The following FBXO10 variants were observed in gnomAD, a reference collection of about 807,000 sequenced individuals.
FBXO10 encodes the protein F-box only protein 10.
In FBXO10, 39 loss-of-function variants were observed where a neutral mutation model predicts 80.7. The observed-to-expected ratio is 0.48, with a 90% CI of 0.37 to 0.63. The LOEUF (loss-of-function observed/expected upper bound fraction) is 0.63. Among genes scored for constraint, FBXO10 ranks in the 30% least tolerant of loss-of-function variants. FBXO10 has a pLI of 0.00. For synonymous variants in FBXO10, 449 were observed against 489.6 expected (o/e 0.92, Z 1.09); for missense variants, 1,025 against 1,269.0 (o/e 0.81, Z 2.92).
At chr9:37,549,312 T>C (rs1206188703) in intron 1 of FBXO10, among the ~76,000 whole-genome samples, 1 of 152,138 alleles carries the variant, frequency 6.6e-6, no homozygotes, top group Non-Finnish European at 1.5e-5. Flanking sequence ...CTAGCCAACA[T>C]TTTAAACATG....
chr9:37,553,291 A>G (rs1040959866), intron 1 of FBXO10, among the ~76,000 whole-genome samples: 2 of 152,088 alleles, frequency 1.3e-5, no homozygotes, highest in African/African-American at 4.8e-5. Context: ...CACCTGCCTC[A>G]GCCTCCCAAA....
intron 10 of FBXO10, among the ~76,000 whole-genome samples, chr9:37,514,698 G>C (rs976997098): frequency 2.6e-5 from 4 of 152,092 alleles, no homozygotes; most frequent in African/African-American, 9.7e-5. Context: ...GCCGGGAGTG[G>C]TGGTGGGCGC....
rs1455278008 is a variant in FBXO10, at chr9:37,515,891, C to A, written c.2696+13G>T. On this transcript the variant is annotated intron_variant, in intron 10 of 10. Transcript: ENST00000432825. ...GCTCTAGAGGACTCGTTCAGGCAACCCCAAGCACTCACTTTTTCTTGAAGA... is the reference window on the plus strand; with the variant it reads ...GCTCTAGAGGACTCGTTCAGGCAACACCAAGCACTCACTTTTTCTTGAAGA... 2 of 1,611,838 alleles carry A rather than the reference C, an allele frequency of 1.2e-6. No homozygotes were observed. The highest frequency in any genetic ancestry group is 1.1e-5 in the South Asian group (1 of 90,794).
At position 37,531,896 on chromosome 9, in the gene FBXO10, G is replaced by C; in HGVS notation, c.1569+13C>G. 6.2e-7 allele frequency: 1 copy of C among 1,612,316 alleles called. No homozygotes were observed. Among genetic ancestry groups the C allele is most frequent in the African/African-American group, 1.3e-5 (1 of 75,006 alleles). The stretch of plus-strand genomic sequence containing the variant: ...CCAAGAGTCACCCTGAATAGGGAAC[G>C]AACACAAAGTACCAGTATGAGTGGG... On this transcript the variant is annotated intron_variant, in intron 4 of 10. Transcript: ENST00000432825.
At chr9:37,568,896 GA>G in intron 1 of FBXO10, among the ~76,000 whole-genome samples, 1 of 151,622 alleles carries the variant, frequency 6.6e-6, no homozygotes. Flanking sequence ...CACATTAGTA[GA>G]AAAAAAAGGT....
chr9:37,565,301 C>T (rs899743036), intron 1 of FBXO10, among the ~76,000 whole-genome samples: 10 of 152,142 alleles, frequency 6.6e-5, no homozygotes, highest in African/African-American at 1.7e-4. Context: ...CAGACTAACA[C>T]AGTGCCATAA....
chr9:37,512,504 C>CT lies in FBXO10; in HGVS notation c.*42dup. 6.3e-7 allele frequency: 1 copy of CT among 1,590,396 alleles called. No individual in the cohort carries two copies. The highest frequency in any genetic ancestry group is 1.1e-5 in the South Asian group (1 of 88,222). Reference sequence around the variant, plus strand: ...AGGCAGTATTTCCACCTTAGCTCCTCTGAGCACCCATCCAGGCTTGGCCCT... The same window carrying CT: ...AGGCAGTATTTCCACCTTAGCTCCTCTTGAGCACCCATCCAGGCTTGGCCCT... On this transcript the variant is annotated 3_prime_UTR_variant, in exon 11 of 11. Transcript: ENST00000432825.
chr9:37,545,631 C>G (rs113147885), intron 1 of FBXO10, among the ~76,000 whole-genome samples: 1 of 152,206 alleles, frequency 6.6e-6, no homozygotes, highest in East Asian at 1.9e-4. Context: ...TAGCTCCACA[C>G]GTGAATACCC....
At chr9:37,551,585 C>G (rs960969700) in intron 1 of FBXO10, among the ~76,000 whole-genome samples, 1 of 152,220 alleles carries the variant, frequency 6.6e-6, no homozygotes, top group African/African-American at 2.4e-5. Flanking sequence ...GACCAGGGAA[C>G]AGAGGCCTGA....
intron 1 of FBXO10, among the ~76,000 whole-genome samples, chr9:37,543,474 T>A (rs1045325418): frequency 1.3e-5 from 2 of 152,098 alleles, no homozygotes; most frequent in African/African-American, 4.8e-5. Context: ...CCTCTGGTGA[T>A]CATTTTCCCC....
chr9:37,512,230 AACACAGT>A lies in FBXO10; in HGVS notation c.*310_*316del, dbSNP rs1821074680. ...AAGAGTCTGGGTTTGGTGTGTGTAA[AACACAGT>A]TCCTTAGAACTCAGAGAAAATCCTG... On this transcript the variant is annotated 3_prime_UTR_variant, in exon 11 of 11. Coordinates refer to ENST00000432825, the MANE Select transcript of FBXO10 (RefSeq NM_012166.3). 4.5e-6 allele frequency: 1 copy of A among 224,568 alleles called. No individual in the cohort carries two copies. The highest frequency in any genetic ancestry group is 2.3e-5 in the African/African-American group (1 of 44,130). The allele number at this position is 224,568 out of a possible 1,614,324, so 13.9% of individuals were successfully genotyped here.
At chr9:37,549,650 C>T (rs969875937) in intron 1 of FBXO10, among the ~76,000 whole-genome samples, 2 of 152,126 alleles carry the variant, frequency 1.3e-5, no homozygotes, top group African/African-American at 4.8e-5. Context: ...CTTTTCTTTA[C>T]AATTTATTTG....
intron 1 of FBXO10, among the ~76,000 whole-genome samples, chr9:37,546,542 G>A (rs1822060804): frequency 6.6e-6 from 1 of 152,118 alleles, no homozygotes; most frequent in African/African-American, 2.4e-5. Flanking sequence ...GCCTTATTAT[G>A]TAACAGGTCC....
chr9:37,515,862 T>C, intron 10 of FBXO10, 42 bp downstream of exon 10: 4 of 1,587,520 alleles, frequency 2.5e-6, no homozygotes, highest in Non-Finnish European at 3.4e-6. Flanking sequence ...GGGAGCTTAC[T>C]GTGGCTCTAG....
chr9:37,528,604 G>A (rs1821534676), intron 5 of FBXO10, among the ~76,000 whole-genome samples: 1 of 152,054 alleles, frequency 6.6e-6, no homozygotes, highest in South Asian at 2.1e-4. Flanking sequence ...TCTCCTTCTG[G>A]TACCACTCTG....
At chr9:37,542,665 G>A (rs981209448) in intron 1 of FBXO10, among the ~76,000 whole-genome samples, 2 of 151,814 alleles carry the variant, frequency 1.3e-5, no homozygotes, top group African/African-American at 4.8e-5. Flanking sequence ...AAACCTTCTG[G>A]TATAAGAGCC....
chr9:37,516,043 C>T lies in FBXO10; in HGVS notation c.2557G>A (p.Ala853Thr), dbSNP rs376671407. 76 of 1,613,652 alleles carry T rather than the reference C, an allele frequency of 4.7e-5. No individual in the cohort carries two copies. The highest frequency in any genetic ancestry group is 4.3e-4 in the African/African-American group (32 of 74,906). ...RIHSFRAYGI[A>T]VRGRAKALVQ... The stretch of plus-strand genomic sequence containing the variant: ...AGGGCCTTGGCACGGCCCCGCACGG[C>T]GATGCCGTAGGCCCGGAACGAGTGG... Residue 853 changes from alanine (A) to threonine (T), a missense_variant, in exon 10 of 11, where the codon GCC (alanine) becomes ACC (threonine). Physicochemically the swap from Ala to Thr is moderately conservative, Grantham distance 58 (BLOSUM62 0). Transcript: ENST00000432825.
chr9:37,568,706 C>T (rs1023218783), intron 1 of FBXO10, among the ~76,000 whole-genome samples: 2 of 151,816 alleles, frequency 1.3e-5, no homozygotes, highest in African/African-American at 4.8e-5. Flanking sequence ...GGTCTAAGGT[C>T]GGAGTTCATG....
At chr9:37,514,385 G>A (rs1821132751) in intron 10 of FBXO10, among the ~76,000 whole-genome samples, 1 of 152,090 alleles carries the variant, frequency 6.6e-6, no homozygotes, top group Non-Finnish European at 1.5e-5. Context: ...GGAAGGAGGA[G>A]GTGGATCCCA....
Sources: gnomAD v4.1 joint callset for allele counts (sites outside exome capture counted in the v4.1 genomes callset) on GRCh38, gnomAD v4.1.1 for gene constraint, MANE v1.5 for transcripts, NCBI Gene and HGNC (gene_info 2026-07-23, HGNC 2026-07-21) for gene names.